The following MTMR3 variants were observed in gnomAD, a reference collection of about 807,000 sequenced individuals.
The protein encoded by MTMR3 is myotubularin related protein 3.
In MTMR3, 32 loss-of-function variants were observed where a neutral mutation model predicts 132.4. The observed-to-expected ratio is 0.24, with a 90% CI of 0.18 to 0.32. MTMR3 has a LOEUF of 0.32. MTMR3 is among the 10% of genes least tolerant of loss of function. The pLI is 1.00. For missense variants in MTMR3, 1,216 were observed against 1,489.6 expected, an observed-to-expected ratio of 0.82 and a Z score of 3.02; for synonymous variants, 556 against 550.3, an observed-to-expected ratio of 1.01 and a Z score of -0.14.
In MTMR3 at chr22:29,890,296, C is replaced by T. The variant is rs530604196; in HGVS notation, c.-138+6937C>T. On this transcript the variant is annotated intron_variant, in intron 1 of 19. Transcript: ENST00000401950. ...CTTTGGGAGGCCAAGGCGGGTGGATCACCTGAGGTCAGCAGTTCAAGACCA... is the reference window on the plus strand; with the variant it reads ...CTTTGGGAGGCCAAGGCGGGTGGATTACCTGAGGTCAGCAGTTCAAGACCA... Among the ~76,000 whole-genome samples, 82 of 152,204 alleles carry T rather than the reference C, an allele frequency of 5.4e-4. 1 individual carries two copies. The South Asian group carries it at 6.2e-3, about 12-fold the overall frequency.
At chr22:29,961,628 A>C (rs2066313797) in intron 2 of MTMR3, among the ~76,000 whole-genome samples, 1 of 152,188 alleles carries the variant, frequency 6.6e-6, no homozygotes, top group Non-Finnish European at 1.5e-5. Context: ...TGTAGTTGTC[A>C]TAATGTCTTG....
At chr22:29,965,003 G>C (rs2066387098) in intron 2 of MTMR3, among the ~76,000 whole-genome samples, 1 of 152,050 alleles carries the variant, frequency 6.6e-6, no homozygotes, top group African/African-American at 2.4e-5. Context: ...AGGAACACAT[G>C]CACTTCCGTA....
rs2064668042 is a variant in MTMR3 at position 29,885,918 on chromosome 22, ATGT to A, written c.-138+2564_-138+2566del. Among the ~76,000 whole-genome samples, 5 of 152,278 alleles carry A rather than the reference ATGT, an allele frequency of 3.3e-5. No homozygotes were observed. In the South Asian group the frequency reaches 1.0e-3, roughly 32 times the overall value. ...ACAAGTTTGGAAGAGGTGGAAGAAA[ATGT>A]TGTTACAATTGTGTAGAGTAGTGAA... is the stretch of plus-strand genomic sequence containing the variant. On this transcript the variant is annotated intron_variant, in intron 1 of 19. Transcript: ENST00000401950.
chr22:29,959,687 G>A (rs5763644), intron 2 of MTMR3, among the ~76,000 whole-genome samples: 120,410 of 151,936 alleles, frequency 0.79, 48,272 homozygotes, highest in East Asian at 0.92. Context: ...CAGAAACGTA[G>A]TAACATATTA....
chr22:29,999,029 A>G (rs750387901), intron 8 of MTMR3, 172 bp downstream of exon 8: 3 of 446,718 alleles, frequency 6.7e-6, no homozygotes, highest in Non-Finnish European at 7.9e-6. Flanking sequence ...TCCCGTTGCT[A>G]TCATTGGAGT....
chr22:29,957,058 T>C lies in MTMR3; in HGVS notation c.-115T>C, dbSNP rs771062892. ...CAGACTTCCTTGTGAAACCTCCTAGTAGAAAAAGTTCTTGGGACAAACTTC... is the reference window on the plus strand; with the variant it reads ...CAGACTTCCTTGTGAAACCTCCTAGCAGAAAAAGTTCTTGGGACAAACTTC... On this transcript the variant is annotated 5_prime_UTR_variant, in exon 2 of 20. Coordinates refer to ENST00000401950, the MANE Select transcript of MTMR3 (RefSeq NM_021090.4). 6 of 152,290 alleles carry C rather than the reference T, an allele frequency of 3.9e-5. No individual in the cohort carries two copies. Among genetic ancestry groups the C allele is most frequent in the Non-Finnish European group, 5.9e-5 (4 of 68,024 alleles). The allele number at this position is 152,290 out of a possible 1,614,324, so 9.4% of individuals were successfully genotyped here.
intron 2 of MTMR3, among the ~76,000 whole-genome samples, chr22:29,965,243 T>C (rs1357661141): frequency 6.6e-6 from 1 of 152,002 alleles, no homozygotes; most frequent in African/African-American, 2.4e-5. Context: ...TACTAGATTA[T>C]TGGTAAATTT....
intron 3 of MTMR3, among the ~76,000 whole-genome samples, chr22:29,974,235 C>T (rs1243716762): frequency 6.6e-6 from 1 of 152,224 alleles, no homozygotes; most frequent in Non-Finnish European, 1.5e-5. Context: ...CTTCTTCCAA[C>T]TTCTCACCTT....
chr22:30,025,523 T>C (rs2067894666), intron 19 of MTMR3, 107 bp from the exon 20 acceptor site: 1 of 1,194,462 alleles, frequency 8.4e-7, no homozygotes, highest in Non-Finnish European at 1.2e-6. Context: ...CTCAAGGAGC[T>C]CCAGCACATG....
chr22:29,916,005 G>C (rs2065300837), intron 1 of MTMR3, among the ~76,000 whole-genome samples: 1 of 151,948 alleles, frequency 6.6e-6, no homozygotes, highest in African/African-American at 2.4e-5. Flanking sequence ...TAATGTATAA[G>C]AATCCTATGG....
chr22:30,001,916 A>AC (rs2067183740), intron 8 of MTMR3: 1 of 150,992 alleles, frequency 6.6e-6, no homozygotes, highest in Non-Finnish European at 1.5e-5. Context: ...AATGATCAAA[A>AC]CCCCCAAATC....
At chr22:29,938,045 A>C (rs2065784549) in intron 1 of MTMR3, among the ~76,000 whole-genome samples, 1 of 152,332 alleles carries the variant, frequency 6.6e-6, no homozygotes, top group Non-Finnish European at 1.5e-5. Flanking sequence ...GTGTGGGCCA[A>C]GCTGGCTAAG....
chr22:29,891,300 T>G lies in MTMR3; in HGVS notation c.-138+7941T>G, dbSNP rs183632535. 4.4e-4 allele frequency among the ~76,000 whole-genome samples: 64 copies of G among 145,902 alleles called. 1 individual carries two copies. In the East Asian group the frequency reaches 8.9e-3, roughly 20 times the overall value. On this transcript the variant is annotated intron_variant, in intron 1 of 19. Coordinates refer to ENST00000401950, the MANE Select transcript of MTMR3 (RefSeq NM_021090.4). ...GGTGTCTTGGTTACTCCTGGAGGTA[T>G]GCGTGTGCGTGTGTGTATGTATGTA...
chr22:29,922,303 G>A lies in MTMR3; in HGVS notation c.-137-34733G>A, dbSNP rs559494646. 4.6e-5 allele frequency among the ~76,000 whole-genome samples: 7 copies of A among 152,258 alleles called. No individual in the cohort carries two copies. In the East Asian group the frequency reaches 1.4e-3, roughly 29 times the overall value. On this transcript the variant is annotated intron_variant, in intron 1 of 19. Transcript: ENST00000401950. ...CAAAGTGCTGGGATTACAACTGTGA[G>A]CCACCACGCCCGGCCTGTATCATGT... is the stretch of plus-strand genomic sequence containing the variant.
chr22:29,936,695 A>G (rs139686942), intron 1 of MTMR3, among the ~76,000 whole-genome samples: 10 of 152,332 alleles, frequency 6.6e-5, no homozygotes, highest in Middle Eastern at 3.4e-3. Context: ...GTCTTTAATG[A>G]TACCATTTAA....
intron 1 of MTMR3, among the ~76,000 whole-genome samples, chr22:29,949,962 G>C (rs1253826906): frequency 1.3e-5 from 2 of 152,156 alleles, no homozygotes; most frequent in African/African-American, 4.8e-5. Flanking sequence ...CAAGGTGTCG[G>C]GGAGAACAGG....
intron 19 of MTMR3, chr22:30,023,184 C>A: frequency 4.0e-6 from 2 of 501,310 alleles, no homozygotes. Context: ...AGGTTCCTGA[C>A]TTCTTTTTCC....
chr22:29,981,708 C>T (rs184302793), intron 5 of MTMR3: 6 of 151,502 alleles, frequency 4.0e-5, no homozygotes, highest in African/African-American at 1.5e-4. Flanking sequence ...GTGGCATGTG[C>T]TACTCAGGAA....
intron 7 of MTMR3, chr22:29,996,578 T>TA (rs550225939): frequency 1.6e-4 from 25 of 152,220 alleles, no homozygotes; most frequent in Non-Finnish European, 3.1e-4. Flanking sequence ...ATGAAATACT[T>TA]ACAGCTTTTG....
Sources: gnomAD v4.1 joint callset for allele counts (sites outside exome capture counted in the v4.1 genomes callset) on GRCh38, gnomAD v4.1.1 for gene constraint, MANE v1.5 for transcripts, NCBI Gene and HGNC (gene_info 2026-07-23, HGNC 2026-07-21) for gene names.